TRPS1: variants seen among roughly 807,000 people sequenced by gnomAD.
The protein encoded by TRPS1 is transcriptional repressor GATA binding 1.
Under a neutral mutation model 101.2 loss-of-function variants are expected in TRPS1, and 6 were observed. That is an observed-to-expected ratio of 0.06 (90% CI 0.03 to 0.12). The LOEUF (loss-of-function observed/expected upper bound fraction) is 0.12. Ranked by LOEUF, TRPS1 falls within the 10% of genes least tolerant of loss-of-function variation. The pLI is 1.00. For synonymous variants in TRPS1, 578 were observed against 589.8 expected, an observed-to-expected ratio of 0.98 and a Z score of 0.29; for missense variants, 1,363 against 1,567.0, an observed-to-expected ratio of 0.87 and a Z score of 2.20.
intron 3 of TRPS1, among the ~76,000 whole-genome samples, chr8:115,613,867 A>T (rs1250120964): frequency 1.3e-5 from 2 of 152,244 alleles, no homozygotes; most frequent in South Asian, 2.1e-4. Flanking sequence ...AGTATGAATC[A>T]ACTTAAATGT....
intron 5 of TRPS1, among the ~76,000 whole-genome samples, chr8:115,433,417 T>C (rs1242330111): frequency 6.6e-6 from 1 of 152,084 alleles, no homozygotes; most frequent in Non-Finnish European, 1.5e-5. Context: ...AAATAGATAA[T>C]ATTTAGTATT....
chr8:115,451,992 C>T (rs1318577192), intron 5 of TRPS1, among the ~76,000 whole-genome samples: 5 of 152,174 alleles, frequency 3.3e-5, no homozygotes, highest in African/African-American at 1.2e-4. Context: ...AACTTAAGCG[C>T]TAAAGGCCAA....
At chr8:115,472,760 A>C (rs573325626) in intron 5 of TRPS1, among the ~76,000 whole-genome samples, 3 of 152,322 alleles carry the variant, frequency 2.0e-5, no homozygotes, top group Non-Finnish European at 4.4e-5. Context: ...TTTGCTGCTT[A>C]GAAATTTCTT....
intron 1 of TRPS1, among the ~76,000 whole-genome samples, chr8:115,647,949 C>A (rs957694332): frequency 1.3e-5 from 2 of 151,866 alleles, no homozygotes; most frequent in Non-Finnish European, 2.9e-5. Context: ...AGATTTCCTC[C>A]CATAGTAAGG....
chr8:115,483,568 A>T (rs77737281), intron 5 of TRPS1, among the ~76,000 whole-genome samples: 4,946 of 151,684 alleles, frequency 0.033, 262 homozygotes, highest in African/African-American at 0.11. Context: ...TGTAAGTATC[A>T]TCCTATGATA....
chr8:115,463,996 C>A (rs2129985589), intron 5 of TRPS1, among the ~76,000 whole-genome samples: 1 of 152,126 alleles, frequency 6.6e-6, no homozygotes, highest in Middle Eastern at 3.4e-3. Flanking sequence ...CCCCAATTCC[C>A]ACTTTAAATA....
At chr8:115,581,915 C>A (rs1817461282) in intron 5 of TRPS1, among the ~76,000 whole-genome samples, 1 of 152,070 alleles carries the variant, frequency 6.6e-6, no homozygotes, top group African/African-American at 2.4e-5. Context: ...GAGACATGTA[C>A]AAGGATTTTT....
intron 5 of TRPS1, among the ~76,000 whole-genome samples, chr8:115,460,681 A>C (rs1171637066): frequency 6.6e-6 from 1 of 152,130 alleles, no homozygotes; most frequent in Non-Finnish European, 1.5e-5. Flanking sequence ...AAGCCTTATA[A>C]CCAAGACCAT....
intron 5 of TRPS1, among the ~76,000 whole-genome samples, chr8:115,578,621 G>A (rs1563617590): frequency 6.6e-6 from 1 of 151,670 alleles, no homozygotes; most frequent in Non-Finnish European, 1.5e-5. Flanking sequence ...ACAATACACT[G>A]AAAAATTAAA....
intron 5 of TRPS1, among the ~76,000 whole-genome samples, chr8:115,495,627 G>A (rs1489235793): frequency 6.6e-6 from 1 of 151,634 alleles, no homozygotes; most frequent in Non-Finnish European, 1.5e-5. Flanking sequence ...GAGGGTGACT[G>A]CACATGAAAA....
At chr8:115,562,649 T>G (rs1816972823) in intron 5 of TRPS1, among the ~76,000 whole-genome samples, 1 of 152,048 alleles carries the variant, frequency 6.6e-6, no homozygotes, top group African/African-American at 2.4e-5. Flanking sequence ...TGAACAAAAT[T>G]TTGAATTTTT....
intron 5 of TRPS1, among the ~76,000 whole-genome samples, chr8:115,522,669 A>G (rs1341612257): frequency 6.6e-6 from 1 of 152,128 alleles, no homozygotes; most frequent in Non-Finnish European, 1.5e-5. Flanking sequence ...ATAAAATAAT[A>G]TCAAAGAAAA....
At chr8:115,505,275 C>T (rs751605968) in intron 5 of TRPS1, among the ~76,000 whole-genome samples, 4 of 152,102 alleles carry the variant, frequency 2.6e-5, no homozygotes, top group African/African-American at 9.7e-5. Flanking sequence ...TAAGTATTGT[C>T]TCTGTTAACA....
intron 4 of TRPS1, among the ~76,000 whole-genome samples, chr8:115,595,484 AT>A (rs1817765710): frequency 6.6e-6 from 1 of 151,928 alleles, no homozygotes. Flanking sequence ...CTCATCTTGC[AT>A]TTTTAAGTTG....
intron 1 of TRPS1, among the ~76,000 whole-genome samples, chr8:115,650,491 G>C (rs1455885652): frequency 6.6e-6 from 1 of 152,130 alleles, no homozygotes; most frequent in Non-Finnish European, 1.5e-5. Flanking sequence ...TAATAGCAGG[G>C]CTTAATTTTC....
chr8:115,519,802 A>G (rs1018361870), intron 5 of TRPS1, among the ~76,000 whole-genome samples: 8 of 151,740 alleles, frequency 5.3e-5, no homozygotes, highest in African/African-American at 1.9e-4. Flanking sequence ...TACAGAGTGA[A>G]GTTCTATGAC....
chr8:115,480,257 G>T (rs1814717814), intron 5 of TRPS1, among the ~76,000 whole-genome samples: 1 of 152,038 alleles, frequency 6.6e-6, no homozygotes, highest in African/African-American at 2.4e-5. Context: ...GAGATGAAAT[G>T]AAATACCATA....
At chr8:115,667,811 T>C in intron 1 of TRPS1, 1 of 1,532,736 alleles carries the variant, frequency 6.5e-7, no homozygotes, top group Non-Finnish European at 8.7e-7. Flanking sequence ...TTTCCCACTT[T>C]GGAGACCATA....
intron 5 of TRPS1, among the ~76,000 whole-genome samples, chr8:115,544,885 G>GA (rs5894274): frequency 0.64 from 97,321 of 151,654 alleles, 31,831 homozygotes; most frequent in East Asian, 0.84. Context: ...GAAAGGACAA[G>GA]AAAAAAAGCA....
Sources: allele counts gnomAD v4.1 joint callset (sites outside exome capture counted in the v4.1 genomes callset), GRCh38; gene constraint gnomAD v4.1.1; transcripts MANE v1.5; gene names NCBI Gene and HGNC (gene_info 2026-07-23, HGNC 2026-07-21).